Variants in DPP10 observed in about 807,000 individuals in gnomAD.
DPP10 encodes the protein inactive dipeptidyl peptidase 10.
Under a neutral mutation model 120.9 loss-of-function variants are expected in DPP10, and 33 were observed. The observed-to-expected ratio is 0.27, with a 90% confidence interval of 0.21 to 0.37. The LOEUF (loss-of-function observed/expected upper bound fraction) is 0.37, where lower values mean the gene tolerates loss of function less well. Among genes scored for constraint, DPP10 ranks in the 10% least tolerant of loss-of-function variants. The pLI, the probability that DPP10 is intolerant of heterozygous loss-of-function variation, is 1.00. For synonymous variants in DPP10, 337 were observed against 326.1 expected (o/e 1.03, Z -0.36); for missense variants, 816 against 942.8 (o/e 0.87, Z 1.76).
chr2:115,384,628 G>T (rs1390088658), intron 3 of DPP10, among the ~76,000 whole-genome samples: 1 of 130,750 alleles, frequency 7.6e-6, no homozygotes, highest in East Asian at 2.2e-4. Context: ...AAGAAGAAGA[G>T]GAAGAAGAAA....
At chr2:115,036,317 A>AT (rs1704225323) in intron 1 of DPP10, among the ~76,000 whole-genome samples, 1 of 152,156 alleles carries the variant, frequency 6.6e-6, no homozygotes, top group African/African-American at 2.4e-5. Flanking sequence ...GATTATGGGG[A>AT]TTACAATTCA....
intron 3 of DPP10, among the ~76,000 whole-genome samples, chr2:115,447,316 A>G (rs1002306340): frequency 6.6e-6 from 1 of 152,184 alleles, no homozygotes. Flanking sequence ...TTGATTTTAC[A>G]TGCTCATAGG....
intron 3 of DPP10, among the ~76,000 whole-genome samples, chr2:115,362,613 A>G (rs2064852508): frequency 6.6e-6 from 1 of 152,212 alleles, no homozygotes; most frequent in Non-Finnish European, 1.5e-5. Context: ...ATAAAGATAT[A>G]TTAGTGAGAT....
At chr2:115,601,482 C>T (rs915575116) in intron 5 of DPP10, among the ~76,000 whole-genome samples, 4 of 152,004 alleles carry the variant, frequency 2.6e-5, no homozygotes, top group African/African-American at 4.8e-5. Context: ...GATTCTGTAA[C>T]GTAGATAAAT....
At chr2:114,710,798 G>A (rs542453552) in intron 1 of DPP10, among the ~76,000 whole-genome samples, 3 of 152,292 alleles carry the variant, frequency 2.0e-5, no homozygotes, top group East Asian at 3.9e-4. Context: ...AATTTTTCAT[G>A]TAGTAGGATA....
chr2:115,709,778 C>A (rs1310471300), intron 7 of DPP10, among the ~76,000 whole-genome samples: 2 of 151,734 alleles, frequency 1.3e-5, no homozygotes, highest in Admixed American at 6.6e-5. Context: ...AAAAAACAGA[C>A]CCCTAGGGAC....
At chr2:114,691,164 C>A (rs1230223902) in intron 1 of DPP10, among the ~76,000 whole-genome samples, 6 of 152,088 alleles carry the variant, frequency 3.9e-5, no homozygotes, top group Non-Finnish European at 7.4e-5. Context: ...AGAATGCTTT[C>A]AGCTTTTGCC....
chr2:114,717,047 G>A (rs185982014), intron 1 of DPP10, among the ~76,000 whole-genome samples: 118 of 152,296 alleles, frequency 7.7e-4, no homozygotes, highest in African/African-American at 2.6e-3. Context: ...AGTAAGCCTT[G>A]CACAGAGGGT....
At chr2:115,335,331 T>A (rs1004278207) in intron 2 of DPP10, among the ~76,000 whole-genome samples, 1 of 152,006 alleles carries the variant, frequency 6.6e-6, no homozygotes, top group African/African-American at 2.4e-5. Context: ...ATTAACTATT[T>A]AAATTTATTT....
chr2:115,458,633 G>GAT (rs920637209), intron 3 of DPP10, among the ~76,000 whole-genome samples: 6 of 151,964 alleles, frequency 3.9e-5, no homozygotes, highest in South Asian at 2.1e-4. Flanking sequence ...TGAGTTTGTG[G>GAT]ATATATATAC....
At chr2:114,881,441 ATCTGTCTGTCTGTCTG>A (rs1182634552) in intron 1 of DPP10, among the ~76,000 whole-genome samples, 1 of 107,224 alleles carries the variant, frequency 9.3e-6, no homozygotes. Flanking sequence ...ATCTTTACCT[ATCTGTCTGTCTGTCTG>A]TCTATCTATC....
chr2:114,641,774 A>G (rs1383004123), intron 1 of DPP10, among the ~76,000 whole-genome samples: 3 of 152,016 alleles, frequency 2.0e-5, no homozygotes, highest in Non-Finnish European at 4.4e-5. Flanking sequence ...ATGAATAAAA[A>G]TAAAGATTAA....
intron 5 of DPP10, among the ~76,000 whole-genome samples, chr2:115,587,089 CTTTTTTTTT>C (rs756810925): frequency 2.9e-5 from 3 of 103,914 alleles, no homozygotes; most frequent in African/African-American, 3.8e-5. Flanking sequence ...TTTTCTCTTT[CTTTTTTTTT>C]TTTTTTTTTT....
At position 115,780,897 on chromosome 2, in the gene DPP10, A is replaced by T. The variant is rs780080176; in HGVS notation, c.1385A>T (p.Asn462Ile). ...LYSASTEGLL[N>I]RQCISCNFMK... ...AGTGCTTCTACTGAAGGATTATTGA[A>T]TCGCCAATGCATTTCATGTAATTTC... The change falls in exon 16 of 26, where the codon AAT (asparagine) becomes ATT (isoleucine). Residue 462 changes from asparagine (N) to isoleucine (I), a missense_variant. Coordinates refer to ENST00000410059, the MANE Select transcript of DPP10 (RefSeq NM_020868.6). 6.2e-7 allele frequency: 1 copy of T among 1,603,648 alleles called. No homozygotes were observed. The highest frequency in any genetic ancestry group is 8.5e-7 in the Non-Finnish European group (1 of 1,173,440).
chr2:114,753,669 G>C (rs1038908127), intron 1 of DPP10, among the ~76,000 whole-genome samples: 2 of 152,052 alleles, frequency 1.3e-5, no homozygotes, highest in Non-Finnish European at 2.9e-5. Flanking sequence ...CAGCACTTTG[G>C]GAGGCCGAGG....
At chr2:115,242,778 T>G (rs1457510765) in intron 1 of DPP10, among the ~76,000 whole-genome samples, 1 of 152,084 alleles carries the variant, frequency 6.6e-6, no homozygotes, top group Non-Finnish European at 1.5e-5. Context: ...TTGAGCATTT[T>G]TTCACATTTG....
chr2:114,947,460 A>G (rs915825740), intron 1 of DPP10, among the ~76,000 whole-genome samples: 1 of 151,794 alleles, frequency 6.6e-6, no homozygotes, highest in Non-Finnish European at 1.5e-5. Context: ...CAGGTCGGTC[A>G]TAATTGCATA....
chr2:115,618,679 A>G (rs1339295174), intron 5 of DPP10, among the ~76,000 whole-genome samples: 2 of 152,228 alleles, frequency 1.3e-5, no homozygotes, highest in South Asian at 4.1e-4. Flanking sequence ...CAGTGCTTAT[A>G]CCTTTCTAGA....
chr2:115,076,688 C>A (rs896816290), intron 1 of DPP10, among the ~76,000 whole-genome samples: 9 of 152,056 alleles, frequency 5.9e-5, no homozygotes, highest in African/African-American at 2.2e-4. Flanking sequence ...TAATTCATTC[C>A]AAGTTCTACA....
Sources: gnomAD v4.1 joint callset for allele counts (sites outside exome capture counted in the v4.1 genomes callset) on GRCh38, gnomAD v4.1.1 for gene constraint, MANE v1.5 for transcripts, NCBI Gene and HGNC (gene_info 2026-07-23, HGNC 2026-07-21) for gene names.